PTPRD: variants seen among roughly 807,000 people sequenced by gnomAD.
PTPRD encodes the protein protein tyrosine phosphatase receptor type D.
PTPRD carries 34 observed loss-of-function variants against 214.5 expected under a neutral mutation model. That is an observed-to-expected ratio of 0.16 (90% CI 0.12 to 0.21). PTPRD has a LOEUF of 0.21. Ranked by LOEUF, PTPRD falls within the 10% of genes least tolerant of loss-of-function variation. The probability of loss-of-function intolerance (pLI) is 1.00; values close to 1 mark genes in which losing one functional copy is unlikely to be tolerated. For synonymous variants in PTPRD, 1,128 were observed against 845.7 expected, an observed-to-expected ratio of 1.33 and a Z score of -5.79; for missense variants, 2,545 against 2,398.7, an observed-to-expected ratio of 1.06 and a Z score of -1.27.
chr9:9,202,081 A>G (rs2099942170), intron 9 of PTPRD, among the ~76,000 whole-genome samples: 1 of 152,184 alleles, frequency 6.6e-6, no homozygotes, highest in African/African-American at 2.4e-5. Flanking sequence ...AAAAGATGCC[A>G]TTTGGATGGA....
rs2154328144 is a variant in PTPRD at position 8,636,774 on chromosome 9, G to A, written c.135C>T (p.Cys45=). The A allele has an allele frequency of 6.2e-7, 1 of 1,614,004 alleles. No individual in the cohort carries two copies. The highest frequency in any genetic ancestry group is 8.5e-7 in the Non-Finnish European group (1 of 1,179,976). ...TAGGTCTTGGGTCTCCCGTAGCTTG[G>A]CAGATGAAAGAGGCAACTCCGCCAG... ...GVSGGVASFI[C]QATGDPRPKI... The change falls in exon 13 of 46, where the codon TGC becomes TGT. Residue 45 remains cysteine, a synonymous_variant. Transcript: ENST00000381196.
Position 8,983,059 on chromosome 9 carries a change from T to A in PTPRD, c.-104+35638A>T, listed in dbSNP as rs561809215. On this transcript the variant is annotated intron_variant, in intron 11 of 45. Transcript: ENST00000381196. ...AATGTACTGTGGAAAAAAATCTATT[T>A]GATGGGATACACTTTTTCTTTTTTT... is the stretch of plus-strand genomic sequence containing the variant. Among the ~76,000 whole-genome samples, 10 of 152,228 alleles carry A rather than the reference T, an allele frequency of 6.6e-5. 1 individual carries two copies. In the South Asian group the frequency reaches 2.1e-3, roughly 32 times the overall value.
intron 14 of PTPRD, among the ~76,000 whole-genome samples, chr9:8,557,415 T>G (rs1330650507): frequency 2.1e-5 from 3 of 143,878 alleles, no homozygotes; most frequent in Non-Finnish European, 3.0e-5. Context: ...ACAAAACTCT[T>G]TATTTTTCAT....
intron 8 of PTPRD, among the ~76,000 whole-genome samples, chr9:9,467,500 T>C (rs1589192936): frequency 6.8e-6 from 1 of 146,300 alleles, no homozygotes; most frequent in East Asian, 2.0e-4. Context: ...GGCAGTAGAA[T>C]TGCTTGAACC....
chr9:9,330,643 T>C (rs2041961250), intron 9 of PTPRD, among the ~76,000 whole-genome samples: 1 of 152,040 alleles, frequency 6.6e-6, no homozygotes, highest in Admixed American at 6.6e-5. Context: ...TTGATTCATT[T>C]TTATTAAATT....
At chr9:9,483,868 T>A (rs1005510133) in intron 8 of PTPRD, among the ~76,000 whole-genome samples, 2 of 151,814 alleles carry the variant, frequency 1.3e-5, no homozygotes, top group Non-Finnish European at 2.9e-5. Context: ...AAGTTAAAAT[T>A]TTGAAAATCA....
At chr9:8,328,089 A>G (rs775698840) in intron 44 of PTPRD, among the ~76,000 whole-genome samples, 2 of 152,088 alleles carry the variant, frequency 1.3e-5, no homozygotes, top group Non-Finnish European at 2.9e-5. Flanking sequence ...TTGACTATTA[A>G]TTGATGCAGT....
intron 2 of PTPRD, among the ~76,000 whole-genome samples, chr9:10,397,867 T>C (rs2098200752): frequency 6.6e-6 from 1 of 151,986 alleles, no homozygotes; most frequent in South Asian, 2.1e-4. Flanking sequence ...TTTGTGTAAG[T>C]ACACTCCACG....
chr9:9,194,254 C>T lies in PTPRD; in HGVS notation c.-202-10891G>A, dbSNP rs145038467. Among the ~76,000 whole-genome samples the T allele has an allele frequency of 4.4e-3, 665 of 152,192 alleles. 6 individuals are homozygous for T. Among genetic ancestry groups the T allele is most frequent in the African/African-American group, 0.015 (621 of 41,522 alleles). On this transcript the variant is annotated intron_variant, in intron 9 of 45. Coordinates refer to ENST00000381196, the MANE Select transcript of PTPRD (RefSeq NM_002839.4). ...GCCTTCATCTGGAATACCTCCTGAA[C>T]GACCTGCCAGAGGCTATATTACAGT... is the stretch of plus-strand genomic sequence containing the variant.
chr9:10,060,911 T>C (rs866151868), intron 3 of PTPRD, among the ~76,000 whole-genome samples: 3 of 112,126 alleles, frequency 2.7e-5, no homozygotes, highest in African/African-American at 2.6e-4. Flanking sequence ...TTTCTTTCTT[T>C]CTTTCTTTCT....
chr9:10,363,775 G>A (rs1165356753), intron 2 of PTPRD, among the ~76,000 whole-genome samples: 3 of 151,600 alleles, frequency 2.0e-5, no homozygotes, highest in African/African-American at 7.3e-5. Flanking sequence ...GGGTTTTTTT[G>A]CAATGAAAAG....
At chr9:9,761,785 C>T (rs895940477) in intron 6 of PTPRD, among the ~76,000 whole-genome samples, 1 of 152,106 alleles carries the variant, frequency 6.6e-6, no homozygotes, top group Non-Finnish European at 1.5e-5. Context: ...CCCTTCCCCC[C>T]ACTCTGTATT....
chr9:9,060,278 A>T (rs2099704656), intron 10 of PTPRD, among the ~76,000 whole-genome samples: 1 of 152,160 alleles, frequency 6.6e-6, no homozygotes. Flanking sequence ...TTATGACAAG[A>T]GTGTGCATCA....
At chr9:8,851,928 G>C (rs1300207764) in intron 11 of PTPRD, among the ~76,000 whole-genome samples, 2 of 152,072 alleles carry the variant, frequency 1.3e-5, no homozygotes, top group African/African-American at 4.8e-5. Context: ...CAATTCTTTA[G>C]CATCATCTTA....
intron 7 of PTPRD, among the ~76,000 whole-genome samples, chr9:9,707,796 C>A (rs1470023628): frequency 6.6e-6 from 1 of 152,012 alleles, no homozygotes; most frequent in Non-Finnish European, 1.5e-5. Context: ...GGCCTGCATT[C>A]TGCTATATAA....
At chr9:10,537,976 C>T (rs968889060) in intron 2 of PTPRD, among the ~76,000 whole-genome samples, 1 of 152,016 alleles carries the variant, frequency 6.6e-6, no homozygotes, top group Non-Finnish European at 1.5e-5. Context: ...TGTGTTTTAC[C>T]AAGCCTTCCA....
intron 11 of PTPRD, among the ~76,000 whole-genome samples, chr9:8,952,003 T>C (rs530032691): frequency 6.6e-6 from 1 of 152,096 alleles, no homozygotes; most frequent in East Asian, 1.9e-4. Context: ...TTCATGAATA[T>C]ACATAATATA....
chr9:10,305,143 A>T (rs1327151886), intron 3 of PTPRD, among the ~76,000 whole-genome samples: 2 of 152,152 alleles, frequency 1.3e-5, no homozygotes, highest in African/African-American at 2.4e-5. Context: ...TGACAAAAAC[A>T]AGCAATGGGG....
intron 10 of PTPRD, among the ~76,000 whole-genome samples, chr9:9,102,535 A>G (rs2099792802): frequency 6.6e-6 from 1 of 152,248 alleles, no homozygotes; most frequent in Non-Finnish European, 1.5e-5. Context: ...CAAGAGCCTA[A>G]TCACCATCAA....
Sources: gnomAD v4.1 joint callset for allele counts (sites outside exome capture counted in the v4.1 genomes callset) on GRCh38, gnomAD v4.1.1 for gene constraint, MANE v1.5 for transcripts, NCBI Gene and HGNC (gene_info 2026-07-23, HGNC 2026-07-21) for gene names.